Variants in ACSF2 observed in about 807,000 individuals in gnomAD.
The protein encoded by ACSF2 is medium-chain acyl-CoA ligase ACSF2, mitochondrial.
In ACSF2, 52 loss-of-function variants were observed where a neutral mutation model predicts 79.3. That is an observed-to-expected ratio of 0.66 (90% confidence interval 0.53 to 0.83). The LOEUF (loss-of-function observed/expected upper bound fraction) is 0.83. Ranked by LOEUF, ACSF2 falls within the 40% of genes least tolerant of loss-of-function variation. The pLI, the probability that ACSF2 is intolerant of heterozygous loss-of-function variation, is 0.00. For missense variants in ACSF2, 661 were observed against 803.3 expected, an observed-to-expected ratio of 0.82 and a Z score of 2.14; for synonymous variants, 283 against 312.6, an observed-to-expected ratio of 0.91 and a Z score of 1.00.
rs1044534411 is a variant in ACSF2, at chr17:50,461,326, T to G, written c.409T>G (p.Trp137Gly). The G allele has an allele frequency of 3.7e-6, 6 of 1,614,158 alleles. No homozygotes were observed. The highest frequency in any genetic ancestry group is 5.1e-6 in the Non-Finnish European group (6 of 1,180,010). The change falls in exon 3 of 16, where the codon TGG becomes GGG. Residue 137 changes from tryptophan (W) to glycine (G), a missense_variant. By Grantham distance (184) the Trp-to-Gly change is radical. Transcript: ENST00000300441. ...LGMWGPNSYA[W>G]VLMQLATAQA... ...CATGTGGGGACCTAACTCCTATGCATGGGTGCTCATGCAGTTGGCCACCGC... is the reference window on the plus strand; with the variant it reads ...CATGTGGGGACCTAACTCCTATGCAGGGGTGCTCATGCAGTTGGCCACCGC...
chr17:50,449,225 C>T (rs1056620054), intron 1 of ACSF2, among the ~76,000 whole-genome samples: 1 of 151,636 alleles, frequency 6.6e-6, no homozygotes, highest in Non-Finnish European at 1.5e-5. Context: ...TCATGTTGCC[C>T]AGGGTGCTCT....
intron 1 of ACSF2, among the ~76,000 whole-genome samples, chr17:50,447,032 A>G (rs947581232): frequency 4.6e-5 from 7 of 152,318 alleles, no homozygotes; most frequent in South Asian, 2.1e-4. Context: ...TGTACATTCA[A>G]TGGCTTATAG....
At chr17:50,472,352 C>T in intron 11 of ACSF2, 76 bp from the exon 12 acceptor site, 1 of 1,539,844 alleles carries the variant, frequency 6.5e-7, no homozygotes, top group South Asian at 1.2e-5. Context: ...GCAGGCAAAG[C>T]TCTCTCCATT....
intron 10 of ACSF2, chr17:50,465,649 C>T: frequency 6.3e-7 from 1 of 1,594,406 alleles, no homozygotes; most frequent in Non-Finnish European, 8.6e-7. Flanking sequence ...TAGTGCAGGG[C>T]TAATGTGCCT....
chr17:50,435,302 T>G (rs1447883930), intron 1 of ACSF2, among the ~76,000 whole-genome samples: 1 of 152,254 alleles, frequency 6.6e-6, no homozygotes, highest in Non-Finnish European at 1.5e-5. Context: ...GTATGTATTC[T>G]AGTATTATTC....
chr17:50,444,856 G>A (rs547480203), intron 1 of ACSF2, among the ~76,000 whole-genome samples: 152 of 152,160 alleles, frequency 1.0e-3, no homozygotes, highest in Middle Eastern at 3.4e-3. Context: ...GGTCATTATT[G>A]TCTTCTGTGT....
chr17:50,474,351 G>T lies in ACSF2; in HGVS notation c.1797+84G>T, dbSNP rs1393423816. The T allele has an allele frequency of 2.8e-5, 44 of 1,548,308 alleles. 1 individual carries two copies. Among genetic ancestry groups the T allele is most frequent in the African/African-American group, 4.1e-5 (3 of 73,112 alleles). On this transcript the variant is annotated intron_variant, in intron 15 of 15. Coordinates refer to ENST00000300441, the MANE Select transcript of ACSF2 (RefSeq NM_025149.6). This position sits in a 1 kb window ranked among gnomAD's most constrained non-coding sequence, Gnocchi z 4.2. The stretch of plus-strand genomic sequence containing the variant: ...CCACCTCTGTTTCCTTCAGCAATGG[G>T]TGTGGAGAGACTGGCAGTAGGGTGA...
At chr17:50,465,050 C>A (rs1421000460) in intron 10 of ACSF2, 1 of 530,938 alleles carries the variant, frequency 1.9e-6, no homozygotes, top group Non-Finnish European at 3.4e-6. Context: ...GGGTCAGAAC[C>A]TGCAAAGAGG....
intron 9 of ACSF2, 117 bp downstream of exon 9, chr17:50,464,026 TA>T: frequency 2.4e-6 from 1 of 412,716 alleles, no homozygotes; most frequent in Non-Finnish European, 3.9e-6. Context: ...AAGGACGCTG[TA>T]AAAATGTGGG....
intron 1 of ACSF2, chr17:50,450,122 A>G (rs374047521): frequency 1.1e-4 from 17 of 152,450 alleles, no homozygotes; most frequent in African/African-American, 2.9e-4. Context: ...GAAAGACAAG[A>G]GGTGGAGACA....
intron 1 of ACSF2, among the ~76,000 whole-genome samples, chr17:50,438,496 GTGTC>G (rs2030615047): frequency 6.6e-6 from 1 of 152,164 alleles, no homozygotes; most frequent in Non-Finnish European, 1.5e-5. Flanking sequence ...GGACTTTAAA[GTGTC>G]TGCTGCTGGG....
intron 1 of ACSF2, among the ~76,000 whole-genome samples, chr17:50,442,816 A>G (rs1246960892): frequency 6.6e-6 from 1 of 151,896 alleles, no homozygotes; most frequent in Non-Finnish European, 1.5e-5. Flanking sequence ...TCTCTAATTT[A>G]GTTATCTAAT....
intron 4 of ACSF2, among the ~76,000 whole-genome samples, chr17:50,461,927 G>GGTGTGTGTGTGTGTGT (rs35178435): frequency 1.2e-4 from 18 of 148,234 alleles, no homozygotes; most frequent in African/African-American, 4.5e-4. Flanking sequence ...TCAGGGCAGA[G>GGTGTGTGTGTGTGTGT]GTGTGTGTGT....
In ACSF2 at chr17:50,471,289, G is replaced by A. The variant is rs779899541; in HGVS notation, c.1323+154G>A. On this transcript the variant is annotated intron_variant, in intron 11 of 15. Transcript: ENST00000300441. The surrounding 1 kb of genome is among the most constrained non-coding windows in gnomAD (Gnocchi z 4.1). ...AGCAGGGGTGTGCTAGGCCTGGCCCGGAGTGTTCTCTGTGGGCTAAGCATG... is the reference window on the plus strand; with the variant it reads ...AGCAGGGGTGTGCTAGGCCTGGCCCAGAGTGTTCTCTGTGGGCTAAGCATG... 101 of 634,192 alleles carry A rather than the reference G, an allele frequency of 1.6e-4. No homozygotes were observed. Among genetic ancestry groups the A allele is most frequent in the Admixed American group, 3.7e-4 (14 of 38,040 alleles). The allele number at this position is 634,192 out of a possible 1,614,324, so 39.3% of individuals were successfully genotyped here.
chr17:50,451,685 G>T (rs1367315008), intron 1 of ACSF2, among the ~76,000 whole-genome samples: 4 of 152,164 alleles, frequency 2.6e-5, no homozygotes. Context: ...CCTGACCTCT[G>T]GTGATCTGTT....
rs147638039 is a variant in ACSF2, at chr17:50,468,249, C to T, written c.1216-2779C>T. On this transcript the variant is annotated intron_variant, in intron 10 of 15. Transcript: ENST00000300441. ...AGGTTCTCCACGTCGTCCAGGGCCC[C>T]GGGCTGCAGGGAGCTCAACGCGTTT... The T allele has an allele frequency of 5.6e-6, 9 of 1,611,362 alleles. No homozygotes were observed. The East Asian group carries it at 1.1e-4, about 20-fold the overall frequency.
chr17:50,457,049 A>G (rs1335187747), intron 1 of ACSF2, among the ~76,000 whole-genome samples: 2 of 152,116 alleles, frequency 1.3e-5, no homozygotes, highest in Non-Finnish European at 2.9e-5. Flanking sequence ...CAGTTGACAG[A>G]GTGAGATCCT....
rs1402679711 is a variant in ACSF2, at chr17:50,474,267, G to A, written c.1797G>A (p.Lys599=). The A allele has an allele frequency of 7.4e-6, 12 of 1,614,136 alleles. No homozygotes were observed. The highest frequency in any genetic ancestry group is 1.0e-5 in the Non-Finnish European group (12 of 1,180,062). The change falls in exon 15 of 16, where the codon AAG becomes AAA. Residue 599 remains lysine (K), a splice_region_variant and synonymous_variant. Coordinates refer to ENST00000300441, the MANE Select transcript of ACSF2 (RefSeq NM_025149.6). This position sits in a 1 kb window ranked among gnomAD's most constrained non-coding sequence, Gnocchi z 4.2. ...ACTACCCCCTCACCATTTCAGGAAA[G>A]GTGTGTAAGGTGGAGGAGGCTGGGG... ...VTNYPLTISG[K]IQKFKLREQM... is the part of the protein sequence containing the mutation.
chr17:50,443,677 A>G (rs1428813272), intron 1 of ACSF2, among the ~76,000 whole-genome samples: 1 of 152,166 alleles, frequency 6.6e-6, no homozygotes, highest in Non-Finnish European at 1.5e-5. Flanking sequence ...GCTAAAGTGT[A>G]AGTTTCTTAG....
Sources: allele counts gnomAD v4.1 joint callset (sites outside exome capture counted in the v4.1 genomes callset), GRCh38; gene constraint gnomAD v4.1.1; non-coding constraint Gnocchi (gnomAD v3.1); transcripts MANE v1.5; gene names NCBI Gene and HGNC (gene_info 2026-07-23, HGNC 2026-07-21).